Variants in CAMK1D observed in about 807,000 individuals in gnomAD.
The protein encoded by CAMK1D is calcium/calmodulin-dependent protein kinase type 1D.
A neutral mutation model predicts 47.7 loss-of-function variants in CAMK1D; 9 were observed. The observed-to-expected ratio is 0.19, with a 90% CI of 0.11 to 0.33. The LOEUF is 0.33. Ranked by LOEUF, CAMK1D falls within the 10% of genes least tolerant of loss-of-function variation. The probability of loss-of-function intolerance (pLI) is 1.00; values close to 1 mark genes in which losing one functional copy is unlikely to be tolerated. For missense variants in CAMK1D, 291 were observed against 488.7 expected (o/e 0.60, Z 3.81); for synonymous variants, 184 against 184.9 (o/e 0.99, Z 0.04).
rs1417839758 is a variant in CAMK1D at position 12,349,642 on chromosome 10, G to A, written c.-177G>A. The A allele has an allele frequency of 6.3e-6, 1 of 158,416 alleles. No individual in the cohort carries two copies. The highest frequency in any genetic ancestry group is 1.4e-5 in the Non-Finnish European group (1 of 72,282). 9.8% of individuals were successfully genotyped at this position (158,416 alleles called of 1,614,324 possible). A position where few individuals can be genotyped will look rare whatever the true frequency, so the allele number is the denominator to read the frequency against. The stretch of plus-strand genomic sequence containing the variant: ...CCGAGAACAGCAGAAATAAGAGCCA[G>A]GGAGGGACCGCGGCCGCGGCGGCGG... On this transcript the variant is annotated 5_prime_UTR_variant, in exon 1 of 11. Coordinates refer to ENST00000619168, the MANE Select transcript of CAMK1D (RefSeq NM_153498.4).
intron 6 of CAMK1D, among the ~76,000 whole-genome samples, chr10:12,805,372 T>C (rs1210104523): frequency 8.6e-5 from 12 of 139,022 alleles, no homozygotes; most frequent in Non-Finnish European, 1.0e-4. Context: ...CATTTCTTTT[T>C]TTTTTTTTTT....
chr10:12,498,079 C>G (rs1156450824), intron 1 of CAMK1D, among the ~76,000 whole-genome samples: 1 of 152,182 alleles, frequency 6.6e-6, no homozygotes, highest in Non-Finnish European at 1.5e-5. Flanking sequence ...AAAAACCCAC[C>G]CTTATGATTC....
At chr10:12,721,258 C>CT (rs753478174) in intron 3 of CAMK1D, among the ~76,000 whole-genome samples, 4 of 152,214 alleles carry the variant, frequency 2.6e-5, no homozygotes, top group Non-Finnish European at 5.9e-5. Context: ...CAGTCACAGG[C>CT]TTTTTTCTCA....
chr10:12,366,616 G>A (rs535668795), intron 1 of CAMK1D, among the ~76,000 whole-genome samples: 2 of 152,042 alleles, frequency 1.3e-5, no homozygotes, highest in South Asian at 2.1e-4. Context: ...CTGAGATTGC[G>A]TGACTGCACT....
chr10:12,529,264 T>C (rs1835727690), intron 1 of CAMK1D, among the ~76,000 whole-genome samples: 1 of 152,144 alleles, frequency 6.6e-6, no homozygotes, highest in Admixed American at 6.5e-5. Context: ...AGTTTTTTCA[T>C]AGGAGGGAAC....
intron 3 of CAMK1D, among the ~76,000 whole-genome samples, chr10:12,687,508 T>A (rs897290008): frequency 3.9e-5 from 6 of 152,210 alleles, no homozygotes; most frequent in Non-Finnish European, 8.8e-5. Context: ...GTGAAGTGGC[T>A]GATGGATGGT....
chr10:12,398,722 T>C (rs1564314284), intron 1 of CAMK1D, among the ~76,000 whole-genome samples: 1 of 152,146 alleles, frequency 6.6e-6, no homozygotes, highest in East Asian at 1.9e-4. Context: ...TAAATTTTGA[T>C]AAATAAAAGG....
chr10:12,719,734 C>T (rs1834298292), intron 3 of CAMK1D, among the ~76,000 whole-genome samples: 1 of 152,222 alleles, frequency 6.6e-6, no homozygotes, highest in African/African-American at 2.4e-5. Context: ...CCTCCTCCTT[C>T]AGGGAGCACT....
intron 1 of CAMK1D, among the ~76,000 whole-genome samples, chr10:12,361,970 C>T (rs1488841205): frequency 6.6e-6 from 1 of 152,124 alleles, no homozygotes; most frequent in East Asian, 1.9e-4. Context: ...CCTCCCCTAC[C>T]CCCCGCCGGT....
At chr10:12,491,906 T>C (rs2768433) in intron 1 of CAMK1D, among the ~76,000 whole-genome samples, 112,539 of 152,034 alleles carry the variant, frequency 0.74, 42,047 homozygotes, top group East Asian at 0.97. Flanking sequence ...CCTGCCTCAG[T>C]CTCCCAAGTA....
intron 6 of CAMK1D, among the ~76,000 whole-genome samples, chr10:12,812,386 A>C (rs1027330455): frequency 5.9e-5 from 9 of 151,990 alleles, no homozygotes; most frequent in Non-Finnish European, 1.2e-4. Context: ...GAGGCCGAGG[A>C]GGGTGGATCA....
chr10:12,387,076 C>T (rs767132308), intron 1 of CAMK1D, among the ~76,000 whole-genome samples: 5 of 151,076 alleles, frequency 3.3e-5, no homozygotes, highest in Non-Finnish European at 5.9e-5. Context: ...TGATGGCGGG[C>T]ACCTGTAGTC....
At chr10:12,624,650 A>G (rs532265275) in intron 2 of CAMK1D, among the ~76,000 whole-genome samples, 36 of 152,276 alleles carry the variant, frequency 2.4e-4, no homozygotes, top group African/African-American at 7.7e-4. Context: ...TCGGACATTT[A>G]GCTGTTACAC....
intron 2 of CAMK1D, among the ~76,000 whole-genome samples, chr10:12,554,835 C>T (rs573987276): frequency 2.6e-5 from 4 of 152,320 alleles, no homozygotes; most frequent in East Asian, 3.9e-4. Context: ...TGAGCCATGG[C>T]GCCTGGCTCC....
At chr10:12,631,494 G>A (rs1283599367) in intron 2 of CAMK1D, among the ~76,000 whole-genome samples, 3 of 152,132 alleles carry the variant, frequency 2.0e-5, no homozygotes, top group Non-Finnish European at 4.4e-5. Flanking sequence ...AGCCAATCAG[G>A]TAAAGTGTAA....
chr10:12,749,546 TG>T (rs372892580), intron 3 of CAMK1D, among the ~76,000 whole-genome samples: 39 of 118,528 alleles, frequency 3.3e-4, no homozygotes, highest in African/African-American at 9.2e-4. Context: ...TTTGTTTGTT[TG>T]TTTTTTGTTT....
chr10:12,456,040 C>A (rs1211969912), intron 1 of CAMK1D, among the ~76,000 whole-genome samples: 1 of 152,176 alleles, frequency 6.6e-6, no homozygotes, highest in South Asian at 2.1e-4. Context: ...TTTCCTCATG[C>A]CTTCTCCAGA....
chr10:12,473,566 G>A (rs1833813076), intron 1 of CAMK1D, among the ~76,000 whole-genome samples: 1 of 152,186 alleles, frequency 6.6e-6, no homozygotes, highest in Non-Finnish European at 1.5e-5. Flanking sequence ...AACTGCTATT[G>A]TCTCCATTTT....
At chr10:12,697,940 T>C (rs940370561) in intron 3 of CAMK1D, among the ~76,000 whole-genome samples, 8 of 152,158 alleles carry the variant, frequency 5.3e-5, no homozygotes, top group African/African-American at 1.9e-4. Flanking sequence ...TCTTGTAATT[T>C]TCAGCAGTTA....
Sources: allele counts gnomAD v4.1 joint callset (sites outside exome capture counted in the v4.1 genomes callset), GRCh38; gene constraint gnomAD v4.1.1; transcripts MANE v1.5; gene names NCBI Gene and HGNC (gene_info 2026-07-23, HGNC 2026-07-21).